The following ANO3 variants were observed in gnomAD, a reference collection of about 807,000 sequenced individuals.
The protein encoded by ANO3 is anoctamin 3.
A neutral mutation model predicts 144.8 loss-of-function variants in ANO3; 99 were observed. That is an observed-to-expected ratio of 0.68 (90% confidence interval 0.58 to 0.81). The LOEUF (loss-of-function observed/expected upper bound fraction) is 0.81. Ranked by LOEUF, ANO3 falls within the 30% of genes least tolerant of loss-of-function variation. The probability of loss-of-function intolerance (pLI) is 0.00; values close to 1 mark genes in which losing one functional copy is unlikely to be tolerated. For missense variants in ANO3, 905 were observed against 1,202.2 expected (o/e 0.75, Z 3.66); for synonymous variants, 414 against 392.6 (o/e 1.05, Z -0.64).
chr11:26,464,989 C>A (rs950994433), intron 4 of ANO3, among the ~76,000 whole-genome samples: 2 of 151,698 alleles, frequency 1.3e-5, no homozygotes, highest in Non-Finnish European at 2.9e-5. Context: ...CCTACTTAGA[C>A]AATTTCCTTT....
At chr11:26,252,296 G>T (rs1338706959) in intron 1 of ANO3, among the ~76,000 whole-genome samples, 1 of 152,126 alleles carries the variant, frequency 6.6e-6, no homozygotes, top group African/African-American at 2.4e-5. Context: ...ATACTGTCAT[G>T]CTAACAAAGC....
At chr11:26,646,327 A>G (rs1853344866) in intron 23 of ANO3, among the ~76,000 whole-genome samples, 1 of 152,154 alleles carries the variant, frequency 6.6e-6, no homozygotes, top group South Asian at 2.1e-4. Flanking sequence ...ATACAGTCAT[A>G]GCTATAAATA....
intron 9 of ANO3, among the ~76,000 whole-genome samples, chr11:26,536,453 T>C (rs1420563438): frequency 6.6e-6 from 1 of 152,114 alleles, no homozygotes; most frequent in African/African-American, 2.4e-5. Context: ...TATAAGGGTA[T>C]CATTCCCTTT....
chr11:26,499,170 A>T (rs1861088660), intron 4 of ANO3, among the ~76,000 whole-genome samples: 1 of 151,884 alleles, frequency 6.6e-6, no homozygotes, highest in Non-Finnish European at 1.5e-5. Flanking sequence ...CGAATTTCGC[A>T]GTTATTTATA....
chr11:26,509,011 T>G (rs1360202450), intron 5 of ANO3, among the ~76,000 whole-genome samples: 1 of 151,484 alleles, frequency 6.6e-6, no homozygotes, highest in Non-Finnish European at 1.5e-5. Flanking sequence ...CAGTAAATTT[T>G]CTATATATAT....
At chr11:26,469,534 A>G (rs1027302879) in intron 4 of ANO3, among the ~76,000 whole-genome samples, 1 of 152,002 alleles carries the variant, frequency 6.6e-6, no homozygotes, top group South Asian at 2.1e-4. Flanking sequence ...CTCAAACTGA[A>G]TATATTGAAA....
chr11:26,214,436 A>G (rs936666421), intron 1 of ANO3, among the ~76,000 whole-genome samples: 2 of 151,886 alleles, frequency 1.3e-5, no homozygotes, highest in African/African-American at 4.8e-5. Flanking sequence ...ACATTTTAAC[A>G]ACAATCGCAA....
intron 1 of ANO3, among the ~76,000 whole-genome samples, chr11:26,224,365 AG>A (rs1311963427): frequency 2.0e-5 from 3 of 152,190 alleles, no homozygotes; most frequent in Non-Finnish European, 4.4e-5. Flanking sequence ...TCTCCATCCC[AG>A]GAAGCATGTA....
chr11:26,192,983 A>G (rs1013712334), intron 1 of ANO3, among the ~76,000 whole-genome samples: 3 of 152,062 alleles, frequency 2.0e-5, no homozygotes, highest in Admixed American at 6.6e-5. Context: ...ACATAGGTAC[A>G]TATGTGCCAT....
intron 1 of ANO3, among the ~76,000 whole-genome samples, chr11:26,267,335 T>C (rs2133832909): frequency 6.6e-6 from 1 of 152,300 alleles, no homozygotes; most frequent in East Asian, 1.9e-4. Flanking sequence ...AAATCCTAAA[T>C]GCTTGATGTT....
chr11:26,554,959 A>T (rs1590517120), intron 13 of ANO3, among the ~76,000 whole-genome samples: 1 of 152,020 alleles, frequency 6.6e-6, no homozygotes, highest in South Asian at 2.1e-4. Flanking sequence ...AATCCCTCTT[A>T]CTCCATCTTT....
chr11:26,427,932 T>A (rs1416222102), intron 1 of ANO3, among the ~76,000 whole-genome samples: 10 of 152,058 alleles, frequency 6.6e-5, no homozygotes, highest in Admixed American at 6.6e-4. Context: ...CTTACTGTCA[T>A]GAGAACAGCA....
At chr11:26,194,626 G>A (rs756060006) in intron 1 of ANO3, among the ~76,000 whole-genome samples, 7 of 151,828 alleles carry the variant, frequency 4.6e-5, no homozygotes, top group Non-Finnish European at 8.8e-5. Flanking sequence ...TCAGCCTCCC[G>A]AGTAGCTGGG....
chr11:26,235,345 CT>C (rs1207042857), intron 1 of ANO3, among the ~76,000 whole-genome samples: 59 of 152,054 alleles, frequency 3.9e-4, no homozygotes, highest in African/African-American at 1.4e-3. Flanking sequence ...CAGCAAGTTA[CT>C]ATTGATACAA....
intron 17 of ANO3, among the ~76,000 whole-genome samples, chr11:26,603,773 T>C (rs1851862748): frequency 1.3e-5 from 2 of 152,190 alleles, no homozygotes; most frequent in South Asian, 4.1e-4. Context: ...TGATTTAGTA[T>C]AAATTTTGCT....
intron 1 of ANO3, among the ~76,000 whole-genome samples, chr11:26,224,750 G>A (rs1203537134): frequency 6.6e-6 from 1 of 152,208 alleles, no homozygotes; most frequent in African/African-American, 2.4e-5. Context: ...GGTAAGGCAA[G>A]TAGAATCTCC....
At chr11:26,315,404 A>G (rs999899534) in intron 1 of ANO3, among the ~76,000 whole-genome samples, 1 of 152,216 alleles carries the variant, frequency 6.6e-6, no homozygotes, top group Non-Finnish European at 1.5e-5. Context: ...GAAGCTTAGA[A>G]TATCTAATGC....
At chr11:26,589,833 A>G (rs766933852) in intron 14 of ANO3, among the ~76,000 whole-genome samples, 1 of 152,176 alleles carries the variant, frequency 6.6e-6, no homozygotes, top group Non-Finnish European at 1.5e-5. Flanking sequence ...TGCATACTTC[A>G]TTTCTTTCTA....
At chr11:26,580,714 TA>T (rs1565120834) in intron 14 of ANO3, among the ~76,000 whole-genome samples, 2 of 152,204 alleles carry the variant, frequency 1.3e-5, no homozygotes, top group African/African-American at 4.8e-5. Flanking sequence ...AGTGTTCTCT[TA>T]AAAGAAATAT....
Sources: allele counts gnomAD v4.1 joint callset (sites outside exome capture counted in the v4.1 genomes callset), GRCh38; gene constraint gnomAD v4.1.1; transcripts MANE v1.5; gene names NCBI Gene and HGNC (gene_info 2026-07-23, HGNC 2026-07-21).